The following DAB1 variants were observed in gnomAD, a reference collection of about 807,000 sequenced individuals.
DAB1 encodes disabled homolog 1.
Under a neutral mutation model 64.6 loss-of-function variants are expected in DAB1, and 15 were observed. That is an observed-to-expected ratio of 0.23 (90% CI 0.16 to 0.36). The LOEUF (loss-of-function observed/expected upper bound fraction) is 0.36, where lower values mean the gene tolerates loss of function less well. DAB1 is among the 10% of genes least tolerant of loss of function. The probability of loss-of-function intolerance (pLI) is 1.00; values close to 1 mark genes in which losing one functional copy is unlikely to be tolerated. For missense variants in DAB1, 596 were observed against 706.7 expected (o/e 0.84, Z 1.78); for synonymous variants, 235 against 251.9 (o/e 0.93, Z 0.64).
chr1:57,198,777 A>C (rs1166265642), intron 2 of DAB1, among the ~76,000 whole-genome samples: 2 of 152,062 alleles, frequency 1.3e-5, no homozygotes, highest in Non-Finnish European at 2.9e-5. Flanking sequence ...GGAGGTGATT[A>C]GGTGTTTCAA....
chr1:57,579,188 G>A (rs998627834), intron 7 of DAB1, among the ~76,000 whole-genome samples: 1 of 152,202 alleles, frequency 6.6e-6, no homozygotes, highest in Non-Finnish European at 1.5e-5. Context: ...GTTCAAGCAA[G>A]CCAGGGACTG....
Position 57,023,549 on chromosome 1 carries a change from T to G in DAB1, c.877A>C (p.Thr293Pro). 6.2e-7 allele frequency: 1 copy of G among 1,605,776 alleles called. No homozygotes were observed. Among genetic ancestry groups the G allele is most frequent in the Non-Finnish European group, 8.5e-7 (1 of 1,175,298 alleles). Residue 293 changes from threonine (T) to proline (P), a missense_variant, in exon 11 of 15, where the codon ACT (threonine) becomes CCT (proline). Physicochemically the swap from Thr to Pro is conservative, Grantham distance 38 (BLOSUM62 -1). This residue lies in a region of DAB1 where 377 missense variants were observed against 400.4 expected (regional missense o/e 0.94). Transcript: ENST00000371236. ...GGCTTACCTGAGGGTACAGCAGCAG[T>G]GCCGAAAGGTACAGAACTAAACACA... Reference protein sequence around the residue: ...ADVFSSVPFGTAAVPSGYVAM... With the variant: ...ADVFSSVPFGPAAVPSGYVAM...
chr1:58,420,105 T>A (rs753546238), intron 3 of DAB1, among the ~76,000 whole-genome samples: 1 of 152,240 alleles, frequency 6.6e-6, no homozygotes, highest in Non-Finnish European at 1.5e-5. Context: ...AGTTATTTCA[T>A]TAGTCAAAGG....
chr1:57,486,523 G>A (rs189086132), intron 7 of DAB1, among the ~76,000 whole-genome samples: 13 of 152,274 alleles, frequency 8.5e-5, no homozygotes, highest in Admixed American at 2.0e-4. Context: ...TAAGCTTCCC[G>A]GAATGGTAGT....
At chr1:57,382,074 T>G (rs141317205) in intron 1 of DAB1, among the ~76,000 whole-genome samples, 1 of 152,182 alleles carries the variant, frequency 6.6e-6, no homozygotes, top group African/African-American at 2.4e-5. Flanking sequence ...TAAATTGTAC[T>G]GGGTATGATA....
At chr1:57,194,201 C>CTCT (rs1664422163) in intron 2 of DAB1, among the ~76,000 whole-genome samples, 1 of 152,144 alleles carries the variant, frequency 6.6e-6, no homozygotes, top group Admixed American at 6.5e-5. Flanking sequence ...CTGACCATTA[C>CTCT]GGCTGTTTTC....
At position 57,569,140 on chromosome 1, in the gene DAB1, C is replaced by A. The variant is rs905483392; in HGVS notation, n.625+80452G>T. Among the ~76,000 whole-genome samples the A allele has an allele frequency of 6.7e-3, 1,002 of 149,664 alleles. 12 individuals carry two copies. Among genetic ancestry groups the A allele is most frequent in the African/African-American group, 0.024 (965 of 40,808 alleles). The stretch of plus-strand genomic sequence containing the variant: ...GGGCGAGATGGCGGGCGCCTGTAGT[C>A]CCAGCTACTCGGGAGGCTGAGGCAG... On this transcript the variant is annotated intron_variant and non_coding_transcript_variant, in intron 7 of 20. Transcript: ENST00000485760.
At chr1:57,688,424 G>A (rs1435320303) in intron 6 of DAB1, among the ~76,000 whole-genome samples, 1 of 152,154 alleles carries the variant, frequency 6.6e-6, no homozygotes, top group African/African-American at 2.4e-5. Context: ...AACAGATGCT[G>A]GTGAGGCTGT....
At chr1:57,352,552 C>G (rs375509981) in intron 1 of DAB1, among the ~76,000 whole-genome samples, 1 of 152,074 alleles carries the variant, frequency 6.6e-6, no homozygotes, top group Non-Finnish European at 1.5e-5. Flanking sequence ...CACAACCACT[C>G]TATGGCATAA....
At position 58,415,638 on chromosome 1, in the gene DAB1, C is replaced by T. The variant is rs138089751; in HGVS notation, n.258-72235G>A. The stretch of plus-strand genomic sequence containing the variant: ...AGCTTTGAGAACTATATTTACATAG[C>T]ATGGAATTTCTCTTCCTCCCTACCC... On this transcript the variant is annotated intron_variant and non_coding_transcript_variant, in intron 3 of 20. Coordinates refer to the DAB1 transcript ENST00000485760. Among the ~76,000 whole-genome samples the T allele has an allele frequency of 1.4e-3, 217 of 152,316 alleles. 1 individual carries two copies. Among genetic ancestry groups the T allele is most frequent in the African/African-American group, 5.1e-3 (210 of 41,572 alleles).
chr1:57,180,434 A>G (rs1662792477), intron 2 of DAB1, among the ~76,000 whole-genome samples: 1 of 152,222 alleles, frequency 6.6e-6, no homozygotes, highest in Non-Finnish European at 1.5e-5. Flanking sequence ...TCAGCAACCC[A>G]GGACTTTTTG....
chr1:57,932,167 T>C (rs867565221), intron 5 of DAB1, among the ~76,000 whole-genome samples: 3 of 152,222 alleles, frequency 2.0e-5, no homozygotes, highest in Admixed American at 6.5e-5. Context: ...TATTGATTTC[T>C]AGTTTAATTC....
chr1:57,183,696 T>C (rs1160675625), intron 2 of DAB1, among the ~76,000 whole-genome samples: 1 of 152,226 alleles, frequency 6.6e-6, no homozygotes, highest in Non-Finnish European at 1.5e-5. Flanking sequence ...AATAAACCTA[T>C]GCACCAAGCA....
At chr1:57,801,691 T>G (rs1346160895) in intron 6 of DAB1, among the ~76,000 whole-genome samples, 1 of 152,086 alleles carries the variant, frequency 6.6e-6, no homozygotes, top group African/African-American at 2.4e-5. Context: ...ACGATCTTAC[T>G]GTGTTGCCCA....
At chr1:57,761,903 T>A (rs149605248) in intron 6 of DAB1, among the ~76,000 whole-genome samples, 1 of 152,286 alleles carries the variant, frequency 6.6e-6, no homozygotes, top group Admixed American at 6.5e-5. Flanking sequence ...CTGTTGGTGA[T>A]GATGGGTCAC....
At chr1:57,186,666 C>T (rs531176685) in intron 2 of DAB1, among the ~76,000 whole-genome samples, 1 of 152,274 alleles carries the variant, frequency 6.6e-6, no homozygotes, top group South Asian at 2.1e-4. Context: ...TCAGCATTTA[C>T]CCCACAGAGG....
chr1:58,543,326 C>T (rs1470148233), intron 1 of DAB1, among the ~76,000 whole-genome samples: 2 of 152,322 alleles, frequency 1.3e-5, no homozygotes, highest in Non-Finnish European at 2.9e-5. Flanking sequence ...TCCTCCTACA[C>T]TTTGCAAAGC....
At chr1:57,703,013 C>T (rs1646924851) in intron 6 of DAB1, among the ~76,000 whole-genome samples, 1 of 152,114 alleles carries the variant, frequency 6.6e-6, no homozygotes, top group Admixed American at 6.6e-5. Context: ...TGGACCTCTT[C>T]CTTACACCAT....
rs190687578 is a variant in DAB1 at position 58,044,474 on chromosome 1, T to C, written n.387+106037A>G. Among the ~76,000 whole-genome samples, 182 of 152,092 alleles carry C rather than the reference T, an allele frequency of 1.2e-3. 1 individual carries two copies. Among genetic ancestry groups the C allele is most frequent in the African/African-American group, 4.3e-3 (178 of 41,476 alleles). On this transcript the variant is annotated intron_variant and non_coding_transcript_variant, in intron 5 of 20. Coordinates refer to the DAB1 transcript ENST00000485760. ...GTATGCGACCAACTCCTTTATTGAA[T>C]CTTTCCTGTTTGAAATACCTAGACA...
Sources: gnomAD v4.1 joint callset for allele counts (sites outside exome capture counted in the v4.1 genomes callset) on GRCh38, gnomAD v4.1.1 for gene constraint, gnomAD v4.1.1 regional missense constraint, MANE v1.5 for transcripts, NCBI Gene and HGNC (gene_info 2026-07-23, HGNC 2026-07-21) for gene names.